DPH6: variants seen among roughly 807,000 people sequenced by gnomAD.
DPH6 encodes diphthine--ammonia ligase.
In DPH6, 33 loss-of-function variants were observed where a neutral mutation model predicts 38.2. The ratio of observed to expected loss-of-function variants is 0.86; its 90% confidence interval spans 0.65 to 1.15. The LOEUF (loss-of-function observed/expected upper bound fraction) is 1.15. DPH6 is among the 50% of genes most tolerant of loss of function. The pLI is 0.00. For missense variants in DPH6, 325 were observed against 320.0 expected (o/e 1.02, Z -0.12); for synonymous variants, 108 against 103.0 (o/e 1.05, Z -0.30).
At chr15:35,537,717 G>A (rs1164109247) in intron 3 of DPH6, among the ~76,000 whole-genome samples, 2 of 152,066 alleles carry the variant, frequency 1.3e-5, no homozygotes, top group African/African-American at 4.8e-5. Context: ...TATCAGAAAT[G>A]TCTTGCTTGA....
chr15:35,512,492 T>C (rs2054788555), intron 3 of DPH6, among the ~76,000 whole-genome samples: 1 of 152,170 alleles, frequency 6.6e-6, no homozygotes, highest in Admixed American at 6.5e-5. Flanking sequence ...ACGAGGCCAC[T>C]GGTCATCGAT....
chr15:35,467,850 G>C (rs1253213373), intron 3 of DPH6, among the ~76,000 whole-genome samples: 1 of 152,088 alleles, frequency 6.6e-6, no homozygotes, highest in Admixed American at 6.5e-5. Flanking sequence ...TAGCAGATTT[G>C]TTTACACCAG....
At chr15:35,455,648 T>A (rs1047812773) in intron 3 of DPH6, among the ~76,000 whole-genome samples, 9 of 152,124 alleles carry the variant, frequency 5.9e-5, no homozygotes, top group Non-Finnish European at 1.2e-4. Flanking sequence ...ATAATACACT[T>A]AGGGAAGAAT....
In DPH6 at chr15:35,335,250, AT is replaced by A. The variant is rs2052361075; in HGVS notation, n.208-4174del. Among the ~76,000 whole-genome samples the A allele has an allele frequency of 4.7e-5, 7 of 149,530 alleles. 1 individual carries two copies. In the South Asian group the frequency reaches 1.5e-3, roughly 31 times the overall value. On this transcript the variant is annotated intron_variant and non_coding_transcript_variant, in intron 3 of 3. Transcript: ENST00000558973. ...CCTTTGCCCACTTTTTAATGGGGTT[AT>A]TTCCTGTAAATTTAAGTTCCTTGTA...
intron 3 of DPH6, among the ~76,000 whole-genome samples, chr15:35,466,154 C>A (rs541581574): frequency 5.4e-4 from 82 of 152,152 alleles, no homozygotes; most frequent in Non-Finnish European, 1.0e-3. Flanking sequence ...AGTGATCCTG[C>A]CACTGGACCT....
intron 3 of DPH6, among the ~76,000 whole-genome samples, chr15:35,279,607 T>C (rs377590505): frequency 3.5e-4 from 53 of 151,994 alleles, no homozygotes; most frequent in African/African-American, 1.2e-3. Context: ...CCTCCACCCC[T>C]TGCTTCCTCT....
chr15:35,479,329 A>C (rs1479806914), intron 3 of DPH6, among the ~76,000 whole-genome samples: 1 of 152,092 alleles, frequency 6.6e-6, no homozygotes, highest in East Asian at 1.9e-4. Context: ...CATCCCACTG[A>C]ATCTTAAAGT....
intron 3 of DPH6, chr15:35,538,057 T>C (rs2141557400): frequency 2.9e-6 from 1 of 345,576 alleles, no homozygotes; most frequent in Non-Finnish European, 5.2e-6. Context: ...TAATCCTGGA[T>C]GCCAAACTAT....
the DPH6 span, among the ~76,000 whole-genome samples, chr15:35,178,715 A>G: frequency 6.6e-6 from 1 of 152,322 alleles, no homozygotes; most frequent in African/African-American, 2.4e-5. Flanking sequence ...TAAAAATTAA[A>G]TATATGGTCA....
In DPH6 at chr15:35,543,060, A is replaced by G. The variant is rs74987483; in HGVS notation, c.24-553T>C. On this transcript the variant is annotated intron_variant, in intron 1 of 8. Transcript: ENST00000256538. ...ATTCTGCTCCACCATAAGAAATCTA[A>G]CAAATGGCTACCATCAGCAATTAAA... 2.1e-5 allele frequency among the ~76,000 whole-genome samples: 3 copies of G among 145,452 alleles called. No individual in the cohort carries two copies. The East Asian group carries it at 6.0e-4, about 29-fold the overall frequency.
intron 6 of DPH6, among the ~76,000 whole-genome samples, chr15:35,409,478 A>G (rs1278070080): frequency 6.6e-6 from 1 of 152,016 alleles, no homozygotes; most frequent in African/African-American, 2.4e-5. Context: ...CTCATAATCA[A>G]CATCGTGGTG....
At chr15:35,442,437 T>A (rs2053800424) in intron 5 of DPH6, among the ~76,000 whole-genome samples, 2 of 152,148 alleles carry the variant, frequency 1.3e-5, no homozygotes, top group African/African-American at 4.8e-5. Context: ...GAATGTAAAG[T>A]GGTACAGCCA....
At position 35,378,823 on chromosome 15, in the gene DPH6, CAG is replaced by C. The variant is rs111488396; in HGVS notation, c.662+2997_662+2998del. Among the ~76,000 whole-genome samples, 329 of 146,590 alleles carry C rather than the reference CAG, an allele frequency of 2.2e-3. 1 individual carries two copies. Among genetic ancestry groups the C allele is most frequent in the East Asian group, 5.3e-3 (26 of 4,930 alleles). ...GGGAACATCATGCACCAGGGCCTGT[CAG>C]GGGTGGGGGGCTGGGGGAAGCATAA... On this transcript the variant is annotated intron_variant, in intron 7 of 8. Transcript: ENST00000256538.
At chr15:35,410,410 T>A (rs2053350245) in intron 6 of DPH6, among the ~76,000 whole-genome samples, 2 of 151,776 alleles carry the variant, frequency 1.3e-5, no homozygotes, top group South Asian at 4.1e-4. Context: ...TTGGGATAAC[T>A]TTTTTTACTA....
At chr15:35,521,716 C>T in intron 3 of DPH6, 1 of 1,231,172 alleles carries the variant, frequency 8.1e-7, no homozygotes, top group Non-Finnish European at 1.0e-6. Context: ...CAATTTTAGT[C>T]AACTTTAATT....
At chr15:35,481,743 G>T (rs181148935) in intron 3 of DPH6, among the ~76,000 whole-genome samples, 1 of 152,156 alleles carries the variant, frequency 6.6e-6, no homozygotes, top group Admixed American at 6.5e-5. Flanking sequence ...AACAAGATGG[G>T]TTATAACTTA....
chr15:35,248,141 A>G (rs187556826), intron 3 of DPH6, among the ~76,000 whole-genome samples: 50 of 152,292 alleles, frequency 3.3e-4, no homozygotes, highest in African/African-American at 9.4e-4. Flanking sequence ...CTAAAGTGAA[A>G]GCCTCAGAAG....
At chr15:35,339,264 C>G (rs1270545639) in intron 3 of DPH6, among the ~76,000 whole-genome samples, 1 of 151,420 alleles carries the variant, frequency 6.6e-6, no homozygotes, top group African/African-American at 2.4e-5. Context: ...GATACATTGT[C>G]TCTTTGTTCT....
chr15:35,524,429 T>C (rs1222063677), intron 3 of DPH6, among the ~76,000 whole-genome samples: 1 of 152,118 alleles, frequency 6.6e-6, no homozygotes, highest in Admixed American at 6.6e-5. Context: ...TAACCCCTTA[T>C]CAAACCATAT....
Sources: gnomAD v4.1 joint callset for allele counts (sites outside exome capture counted in the v4.1 genomes callset) on GRCh38, gnomAD v4.1.1 for gene constraint, MANE v1.5 for transcripts, NCBI Gene and HGNC (gene_info 2026-07-23, HGNC 2026-07-21) for gene names.